PID1: variants seen among roughly 807,000 people sequenced by gnomAD.
PID1 encodes the protein PTB-containing, cubilin and LRP1-interacting protein.
In PID1, 10 loss-of-function variants were observed where a neutral mutation model predicts 19.1. The ratio of observed to expected loss-of-function variants is 0.52; its 90% confidence interval spans 0.32 to 0.89. The LOEUF (loss-of-function observed/expected upper bound fraction) is 0.89. PID1 is among the 40% of genes least tolerant of loss of function. PID1 has a pLI of 0.03. For synonymous variants in PID1, 130 were observed against 116.0 expected, an observed-to-expected ratio of 1.12 and a Z score of -0.78; for missense variants, 248 against 285.3, an observed-to-expected ratio of 0.87 and a Z score of 0.94.
At chr2:229,049,935 ATG>A (rs1308109445) in intron 2 of PID1, among the ~76,000 whole-genome samples, 12 of 36,170 alleles carry the variant, frequency 3.3e-4, no homozygotes, top group Admixed American at 2.0e-3. Context: ...ATACACACAC[ATG>A]CATAGAAGTA....
At position 229,092,403 on chromosome 2, in the gene PID1, G is replaced by A. The variant is rs114079534; in HGVS notation, c.177+63415C>T. Among the ~76,000 whole-genome samples, 178 of 152,266 alleles carry A rather than the reference G, an allele frequency of 1.2e-3. 1 individual carries two copies. Among genetic ancestry groups the A allele is most frequent in the African/African-American group, 4.0e-3 (165 of 41,552 alleles). ...CAACTCAACTAACTACCCAATCCTT[G>A]TGTTTTCATACTGCAAAAAGGAAAA... On this transcript the variant is annotated intron_variant, in intron 2 of 2. Coordinates refer to ENST00000392055, the MANE Select transcript of PID1 (RefSeq NM_001100818.2).
At chr2:229,222,452 G>C (rs990102077) in intron 1 of PID1, among the ~76,000 whole-genome samples, 2 of 151,996 alleles carry the variant, frequency 1.3e-5, no homozygotes, top group Non-Finnish European at 2.9e-5. Context: ...ATACTACTAT[G>C]TGGCTTTTAT....
At position 229,271,104 on chromosome 2, in the gene PID1, C is replaced by T. The variant is rs535721655; in HGVS notation, c.-61G>A. On this transcript the variant is annotated 5_prime_UTR_variant, in exon 1 of 3. Coordinates refer to ENST00000392055, the MANE Select transcript of PID1 (RefSeq NM_001100818.2). ...CGAGACTGTCGATCGCGCCGGGGGG[C>T]GAGGGGCTGGGGTCCCGCTTTACAT... 142 of 1,523,250 alleles carry T rather than the reference C, an allele frequency of 9.3e-5. No homozygotes were observed. In the African/African-American group the frequency reaches 1.9e-3, roughly 20 times the overall value. The allele number at this position is 1,523,250 out of a possible 1,614,324, so 94.4% of individuals were successfully genotyped here.
intron 1 of PID1, among the ~76,000 whole-genome samples, chr2:229,270,468 C>G (rs1690705074): frequency 6.6e-6 from 1 of 152,050 alleles, no homozygotes; most frequent in Non-Finnish European, 1.5e-5. Context: ...ACTTTTGATT[C>G]TTAAATATCT....
chr2:229,154,344 C>A (rs1329360292), intron 2 of PID1, among the ~76,000 whole-genome samples: 1 of 152,076 alleles, frequency 6.6e-6, no homozygotes, highest in Non-Finnish European at 1.5e-5. Flanking sequence ...TTCCCAAACA[C>A]ACCAAGACCA....
chr2:229,027,941 G>A (rs937482300), intron 2 of PID1, among the ~76,000 whole-genome samples: 46 of 152,294 alleles, frequency 3.0e-4, no homozygotes, highest in African/African-American at 1.1e-3. Flanking sequence ...AGGAGTGCCT[G>A]GATGTGATAG....
intron 2 of PID1, among the ~76,000 whole-genome samples, chr2:229,146,496 T>TA (rs1559255922): frequency 1.3e-4 from 19 of 151,656 alleles, no homozygotes; most frequent in Middle Eastern, 3.4e-3. Context: ...AAGTAAATTT[T>TA]TAAAAAAAAA....
chr2:229,271,124 T>C lies in PID1; in HGVS notation c.-81A>G. 1 of 1,465,928 alleles carries C rather than the reference T, an allele frequency of 6.8e-7. No homozygotes were observed. Among genetic ancestry groups the C allele is most frequent in the East Asian group, 2.6e-5 (1 of 38,188 alleles). 90.8% of individuals were successfully genotyped at this position (1,465,928 alleles called of 1,614,324 possible). On this transcript the variant is annotated 5_prime_UTR_variant, in exon 1 of 3. An upstream open reading frame in the 5' UTR loses its in-frame stop. Transcript: ENST00000392055. ...GGGGGCGAGGGGCTGGGGTCCCGCT[T>C]TACATCTGGGGTCGGTGTCCGCGGG...
At chr2:229,127,862 C>T (rs571072735) in intron 2 of PID1, among the ~76,000 whole-genome samples, 1 of 152,160 alleles carries the variant, frequency 6.6e-6, no homozygotes, top group Non-Finnish European at 1.5e-5. Context: ...TGTAGGTGTT[C>T]CTATCTGTCT....
chr2:229,254,314 T>C (rs1259113559), intron 1 of PID1, among the ~76,000 whole-genome samples: 1 of 152,230 alleles, frequency 6.6e-6, no homozygotes, highest in Non-Finnish European at 1.5e-5. Context: ...TGTCCACTTC[T>C]GCTTCTACAT....
intron 2 of PID1, among the ~76,000 whole-genome samples, chr2:229,149,672 G>A (rs1231623090): frequency 6.6e-6 from 1 of 152,122 alleles, no homozygotes; most frequent in Admixed American, 6.5e-5. Flanking sequence ...TTGGAAACTG[G>A]TTTGTTTGAC....
intron 1 of PID1, among the ~76,000 whole-genome samples, chr2:229,255,187 C>T (rs750866192): frequency 5.9e-5 from 9 of 152,160 alleles, no homozygotes; most frequent in Admixed American, 2.0e-4. Context: ...AGCATCCGTG[C>T]TTTCATGAAT....
intron 2 of PID1, among the ~76,000 whole-genome samples, chr2:229,048,657 G>T (rs904177021): frequency 6.6e-6 from 1 of 152,164 alleles, no homozygotes; most frequent in Non-Finnish European, 1.5e-5. Context: ...AAAAGGAAGG[G>T]CAGACAGCAG....
At chr2:229,151,961 G>C (rs546373195) in intron 2 of PID1, among the ~76,000 whole-genome samples, 1 of 152,278 alleles carries the variant, frequency 6.6e-6, no homozygotes, top group South Asian at 2.1e-4. Flanking sequence ...CTCAATGAAA[G>C]GAGGGCAGCT....
intron 1 of PID1, among the ~76,000 whole-genome samples, chr2:229,217,296 T>C (rs1159581310): frequency 1.3e-5 from 2 of 152,234 alleles, no homozygotes; most frequent in Non-Finnish European, 2.9e-5. Flanking sequence ...TTATGGGTCT[T>C]TTAAAATATG....
At chr2:229,082,380 C>T (rs1386453015) in intron 2 of PID1, among the ~76,000 whole-genome samples, 1 of 152,194 alleles carries the variant, frequency 6.6e-6, no homozygotes, top group African/African-American at 2.4e-5. Flanking sequence ...GACCTTTACC[C>T]CATGGTGTTA....
intron 1 of PID1, among the ~76,000 whole-genome samples, chr2:229,255,089 T>C (rs1447866450): frequency 6.6e-6 from 1 of 152,172 alleles, no homozygotes; most frequent in African/African-American, 2.4e-5. Context: ...GGGGGTCAAA[T>C]GGAGAGCAAT....
At chr2:229,042,626 T>C (rs112382613) in intron 2 of PID1, among the ~76,000 whole-genome samples, 3 of 152,176 alleles carry the variant, frequency 2.0e-5, no homozygotes, top group African/African-American at 7.2e-5. Flanking sequence ...AACTGGAAAA[T>C]ACACCAGGTT....
Position 229,178,213 on chromosome 2 carries a change from A to G in PID1, c.31-22249T>C, listed in dbSNP as rs371417050. ...AGAAGCTTTCATACTTGAGGCGAAC[A>G]TGAATTTAAATTGCAATTTCCCCAT... is the stretch of plus-strand genomic sequence containing the variant. On this transcript the variant is annotated intron_variant, in intron 1 of 2. Transcript: ENST00000392055. Among the ~76,000 whole-genome samples, 33 of 152,364 alleles carry G rather than the reference A, an allele frequency of 2.2e-4. No individual in the cohort carries two copies. The South Asian group carries it at 5.6e-3, about 26-fold the overall frequency.
Sources: gnomAD v4.1 joint callset for allele counts (sites outside exome capture counted in the v4.1 genomes callset) on GRCh38, gnomAD v4.1.1 for gene constraint, MANE v1.5 for transcripts, NCBI Gene and HGNC (gene_info 2026-07-23, HGNC 2026-07-21) for gene names.